Variants in CYP2C19 observed in about 807,000 individuals in gnomAD.
CYP2C19 encodes the protein cytochrome P450 2C19.
A neutral mutation model predicts 40.9 loss-of-function variants in CYP2C19; 59 were observed. The ratio of observed to expected loss-of-function variants is 1.44; its 90% confidence interval spans 1.17 to 1.79. CYP2C19 has a LOEUF of 1.79. CYP2C19 is among the 40% of genes most tolerant of loss of function. The pLI, the probability that CYP2C19 is intolerant of heterozygous loss-of-function variation, is 0.00. For synonymous variants in CYP2C19, 253 were observed against 208.7 expected (o/e 1.21, Z -1.83); for missense variants, 754 against 596.9 (o/e 1.26, Z -2.74).
In CYP2C19 at chr10:94,788,539, C is replaced by T. The variant is rs113903706; in HGVS notation, c.819+6542C>T. On this transcript the variant is annotated intron_variant, in intron 5 of 8. Coordinates refer to ENST00000371321, the MANE Select transcript of CYP2C19 (RefSeq NM_000769.4). ...TGAGGTATTTCTCCTAATGCTATCCCTCCCTGTGTCCATGTGTTCTCATTG... is the reference window on the plus strand; with the variant it reads ...TGAGGTATTTCTCCTAATGCTATCCTTCCCTGTGTCCATGTGTTCTCATTG... 3.9e-5 allele frequency among the ~76,000 whole-genome samples: 6 copies of T among 152,198 alleles called. No individual in the cohort carries two copies. In the East Asian group the frequency reaches 7.7e-4, roughly 20 times the overall value.
chr10:94,847,737 C>CT (rs1389766513), intron 7 of CYP2C19, among the ~76,000 whole-genome samples: 1 of 152,138 alleles, frequency 6.6e-6, no homozygotes, highest in Non-Finnish European at 1.5e-5. Context: ...TCTCCTGCAC[C>CT]TGTTGTTTCC....
At chr10:94,839,330 A>G (rs1849454187) in intron 6 of CYP2C19, among the ~76,000 whole-genome samples, 1 of 151,660 alleles carries the variant, frequency 6.6e-6, no homozygotes, top group Non-Finnish European at 1.5e-5. Flanking sequence ...ATAACCACCC[A>G]TGGACCTCTG....
chr10:94,774,963 G>C, intron 1 of CYP2C19, 95 bp from the exon 2 acceptor site: 1 of 1,315,722 alleles, frequency 7.6e-7, no homozygotes, highest in Non-Finnish European at 1.1e-6. Flanking sequence ...CTGAATAAAA[G>C]CATACAAATA....
At chr10:94,799,878 C>T (rs1406352814) in intron 5 of CYP2C19, among the ~76,000 whole-genome samples, 1 of 152,090 alleles carries the variant, frequency 6.6e-6, no homozygotes, top group Non-Finnish European at 1.5e-5. Flanking sequence ...GTCTTCTCTA[C>T]ACTGTTCTAG....
chr10:94,839,902 G>C (rs988727617), intron 6 of CYP2C19, among the ~76,000 whole-genome samples: 1 of 152,196 alleles, frequency 6.6e-6, no homozygotes, highest in Admixed American at 6.5e-5. Flanking sequence ...GGAATTATCA[G>C]AGGTTGGAGT....
intron 1 of CYP2C19, among the ~76,000 whole-genome samples, chr10:94,765,586 AC>A (rs1848229451): frequency 6.6e-6 from 1 of 152,072 alleles, no homozygotes; most frequent in African/African-American, 2.4e-5. Flanking sequence ...TTCTGTGTCT[AC>A]TAGGAACCAT....
chr10:94,773,703 T>G (rs1848366734), intron 1 of CYP2C19: 1 of 152,414 alleles, frequency 6.6e-6, no homozygotes, highest in Admixed American at 6.5e-5. Flanking sequence ...TTTGTGGTCT[T>G]GCTGGCTTTG....
intron 8 of CYP2C19, among the ~76,000 whole-genome samples, chr10:94,851,148 G>A (rs1849647717): frequency 6.6e-6 from 1 of 152,124 alleles, no homozygotes; most frequent in Non-Finnish European, 1.5e-5. Context: ...AGTTCCACAG[G>A]CTGTACAGGA....
At chr10:94,845,106 C>T (rs1223529058) in intron 7 of CYP2C19, among the ~76,000 whole-genome samples, 2 of 152,170 alleles carry the variant, frequency 1.3e-5, no homozygotes. Context: ...CTTTACAAAT[C>T]AGGCAAATGT....
chr10:94,783,625 C>T (rs1334205650), intron 5 of CYP2C19, among the ~76,000 whole-genome samples: 1 of 151,944 alleles, frequency 6.6e-6, no homozygotes, highest in Non-Finnish European at 1.5e-5. Context: ...TTTTGGGGGG[C>T]TCTCAATTCT....
At chr10:94,798,874 T>G (rs1223486119) in intron 5 of CYP2C19, among the ~76,000 whole-genome samples, 2 of 136,020 alleles carry the variant, frequency 1.5e-5, no homozygotes, top group East Asian at 4.6e-4. Context: ...CCTCCATCCC[T>G]TTATTTTGAG....
At position 94,842,889 on chromosome 10, in the gene CYP2C19, C is replaced by T; in HGVS notation, c.1014C>T (p.Cys338=). ...TCATTGGCAGAAACCGGAGCCCCTG[C>T]ATGCAGGACAGGGGCCACATGCCCT... is the stretch of plus-strand genomic sequence containing the variant. ...ERVIGRNRSP[C]MQDRGHMPYT... is the part of the protein sequence containing the mutation. The change falls in exon 7 of 9, where the codon TGC becomes TGT. Residue 338 remains cysteine, a synonymous_variant. Transcript: ENST00000371321. 2 of 1,614,192 alleles carry T rather than the reference C, an allele frequency of 1.2e-6. No homozygotes were observed. The highest frequency in any genetic ancestry group is 1.7e-6 in the Non-Finnish European group (2 of 1,180,028).
intron 5 of CYP2C19, among the ~76,000 whole-genome samples, chr10:94,814,977 G>A (rs948352425): frequency 7.2e-6 from 1 of 139,530 alleles, no homozygotes; most frequent in African/African-American, 2.7e-5. Flanking sequence ...AGTTGTGGCT[G>A]TGAATCTGTT....
intron 6 of CYP2C19, among the ~76,000 whole-genome samples, chr10:94,832,233 A>G (rs534206940): frequency 6.6e-6 from 1 of 152,172 alleles, no homozygotes; most frequent in Non-Finnish European, 1.5e-5. Context: ...CATACACAAG[A>G]CCGGGTAATT....
Position 94,853,945 on chromosome 10 carries a change from A to G in CYP2C19, c.*1031A>G, listed in dbSNP as rs1466119601. ...ACTTAGAATGAAGTAATGAAGTATA[A>G]ATATATGCTTTCATATTGCTGCTCA... On this transcript the variant is annotated 3_prime_UTR_variant, in exon 9 of 9. Transcript: ENST00000371321. 6.6e-6 allele frequency among the ~76,000 whole-genome samples: 1 copy of G among 152,144 alleles called. No homozygotes were observed. The highest frequency in any genetic ancestry group is 1.5e-5 in the Non-Finnish European group (1 of 68,030).
intron 7 of CYP2C19, among the ~76,000 whole-genome samples, chr10:94,849,397 T>C (rs1046769255): frequency 6.6e-6 from 1 of 151,704 alleles, no homozygotes; most frequent in African/African-American, 2.4e-5. Flanking sequence ...AGCAAGTTCA[T>C]TTTAAATTAG....
chr10:94,765,733 G>C (rs1362083344), intron 1 of CYP2C19, among the ~76,000 whole-genome samples: 1 of 152,094 alleles, frequency 6.6e-6, no homozygotes, highest in Non-Finnish European at 1.5e-5. Flanking sequence ...TAAGCAGGGA[G>C]GAGGTGATGA....
intron 6 of CYP2C19, among the ~76,000 whole-genome samples, chr10:94,832,894 C>T (rs1849354308): frequency 6.6e-6 from 1 of 152,060 alleles, no homozygotes; most frequent in South Asian, 2.1e-4. Flanking sequence ...AATCCATGAA[C>T]ATGAAATATT....
chr10:94,846,340 A>G (rs1257986908), intron 7 of CYP2C19, among the ~76,000 whole-genome samples: 1 of 152,186 alleles, frequency 6.6e-6, no homozygotes, highest in Non-Finnish European at 1.5e-5. Flanking sequence ...AGAAAACTAC[A>G]TAGTACTTTG....
Sources: allele counts gnomAD v4.1 joint callset (sites outside exome capture counted in the v4.1 genomes callset), GRCh38; gene constraint gnomAD v4.1.1; transcripts MANE v1.5; gene names NCBI Gene and HGNC (gene_info 2026-07-23, HGNC 2026-07-21).